The following PITPNC1 variants were observed in gnomAD, a reference collection of about 807,000 sequenced individuals.
PITPNC1 encodes the protein phosphatidylinositol transfer protein cytoplasmic 1.
PITPNC1 carries 18 observed loss-of-function variants against 44.7 expected under a neutral mutation model. The ratio of observed to expected loss-of-function variants is 0.40; its 90% CI spans 0.28 to 0.60. PITPNC1 has a LOEUF of 0.60. Among genes scored for constraint, PITPNC1 ranks in the 20% least tolerant of loss-of-function variants. The probability of loss-of-function intolerance (pLI) is 0.39; values close to 1 mark genes in which losing one functional copy is unlikely to be tolerated. For missense variants in PITPNC1, 290 were observed against 418.4 expected, an observed-to-expected ratio of 0.69 and a Z score of 2.68; for synonymous variants, 141 against 149.6, an observed-to-expected ratio of 0.94 and a Z score of 0.42.
chr17:67,630,116 T>C (rs1419066263), intron 5 of PITPNC1, among the ~76,000 whole-genome samples: 2 of 152,190 alleles, frequency 1.3e-5, no homozygotes, highest in East Asian at 1.9e-4. Flanking sequence ...TCAGATGCCC[T>C]CTTGTGGGAG....
At chr17:67,617,720 C>G (rs2041778092) in intron 5 of PITPNC1, among the ~76,000 whole-genome samples, 1 of 152,098 alleles carries the variant, frequency 6.6e-6, no homozygotes, top group Non-Finnish European at 1.5e-5. Flanking sequence ...CTCAGGGCTG[C>G]AACACTCTAA....
intron 1 of PITPNC1, among the ~76,000 whole-genome samples, chr17:67,530,592 C>G (rs1327976272): frequency 1.3e-5 from 2 of 152,176 alleles, no homozygotes; most frequent in Non-Finnish European, 2.9e-5. Context: ...TACTAGGGGT[C>G]AGGACTTCAC....
intron 4 of PITPNC1, among the ~76,000 whole-genome samples, chr17:67,575,782 T>C (rs923324686): frequency 6.4e-5 from 1 of 15,644 alleles, no homozygotes; most frequent in African/African-American, 1.8e-4. Context: ...TCTTTCTTTC[T>C]TTTCTTTCTT....
chr17:67,385,393 GT>G (rs1193534148), intron 1 of PITPNC1, among the ~76,000 whole-genome samples: 1 of 152,156 alleles, frequency 6.6e-6, no homozygotes, highest in Non-Finnish European at 1.5e-5. Context: ...TCAGTGCTCT[GT>G]AAAATGGAGC....
At chr17:67,685,768 G>A (rs2042803961) in intron 8 of PITPNC1, among the ~76,000 whole-genome samples, 1 of 152,128 alleles carries the variant, frequency 6.6e-6, no homozygotes, top group Non-Finnish European at 1.5e-5. Flanking sequence ...GAGACTAATT[G>A]TTATTTATAT....
At chr17:67,425,197 G>GCGCACGCACACACACA (rs748898605) in intron 1 of PITPNC1, among the ~76,000 whole-genome samples, 1 of 98,430 alleles carries the variant, frequency 1.0e-5, no homozygotes, top group Non-Finnish European at 2.1e-5. Flanking sequence ...GCGCGCGCAC[G>GCGCACGCACACACACA]CACACGCACA....
intron 5 of PITPNC1, among the ~76,000 whole-genome samples, chr17:67,624,583 A>G (rs2041873481): frequency 1.3e-5 from 2 of 151,700 alleles, no homozygotes; most frequent in African/African-American, 2.4e-5. Flanking sequence ...TTGCTCTGTC[A>G]TGCAATCTTG....
chr17:67,610,046 CCTT>C (rs1335540969), intron 5 of PITPNC1, among the ~76,000 whole-genome samples: 4 of 152,184 alleles, frequency 2.6e-5, no homozygotes, highest in African/African-American at 7.2e-5. Flanking sequence ...GCACCCAAGA[CCTT>C]CTGTCGCCCG....
chr17:67,553,065 A>G (rs1017835015), intron 3 of PITPNC1: 2 of 152,182 alleles, frequency 1.3e-5, no homozygotes, highest in African/African-American at 4.8e-5. Context: ...GATAATATGA[A>G]AATATTTAAG....
At chr17:67,603,221 A>G (rs1160232785) in intron 5 of PITPNC1, among the ~76,000 whole-genome samples, 2 of 152,198 alleles carry the variant, frequency 1.3e-5, no homozygotes, top group African/African-American at 4.8e-5. Context: ...AGCTGGAGCA[A>G]GCAGGCTCGC....
chr17:67,458,770 G>A (rs2039291123), intron 1 of PITPNC1, among the ~76,000 whole-genome samples: 1 of 151,804 alleles, frequency 6.6e-6, no homozygotes, highest in Admixed American at 6.6e-5. Context: ...TTTTTTCCGT[G>A]GGAATCTTAC....
chr17:67,391,930 A>G (rs62084082), intron 1 of PITPNC1, among the ~76,000 whole-genome samples: 39,381 of 152,124 alleles, frequency 0.26, 5,414 homozygotes, highest in African/African-American at 0.34. Flanking sequence ...TAAGTATTAA[A>G]CCAAGTGACA....
intron 5 of PITPNC1, among the ~76,000 whole-genome samples, chr17:67,625,462 A>G (rs1489624083): frequency 6.6e-6 from 1 of 152,152 alleles, no homozygotes; most frequent in Non-Finnish European, 1.5e-5. Context: ...TGCACCTGCC[A>G]CCACCGGGGA....
chr17:67,512,256 T>G (rs1229093919), intron 1 of PITPNC1, among the ~76,000 whole-genome samples: 1 of 152,156 alleles, frequency 6.6e-6, no homozygotes, highest in Non-Finnish European at 1.5e-5. Context: ...CCCAGCACTT[T>G]GGGAGGCCCA....
chr17:67,583,873 G>A (rs1008755465), intron 5 of PITPNC1, among the ~76,000 whole-genome samples: 1 of 121,432 alleles, frequency 8.2e-6, no homozygotes, highest in Non-Finnish European at 1.7e-5. Flanking sequence ...TTTTGTGTGT[G>A]TGTGTGTGTG....
rs367727801 is a variant in PITPNC1, at chr17:67,420,399, C to T, written c.48+42197C>T. ...TCCTCCCTCCCCTCCCTCCCTCCCT[C>T]CCTTCCTTCCTTCCTTCCTCTTCTC... On this transcript the variant is annotated intron_variant, in intron 1 of 8. Transcript: ENST00000581322. Among the ~76,000 whole-genome samples, 568 of 144,634 alleles carry T rather than the reference C, an allele frequency of 3.9e-3. 3 individuals carry two copies. Among genetic ancestry groups the T allele is most frequent in the Middle Eastern group, 0.028 (8 of 290 alleles). 94.9% of individuals were successfully genotyped at this position (144,634 alleles called of 152,430 possible).
chr17:67,429,053 C>T (rs1043373531), intron 1 of PITPNC1, among the ~76,000 whole-genome samples: 1 of 151,806 alleles, frequency 6.6e-6, no homozygotes, highest in African/African-American at 2.4e-5. Flanking sequence ...GTTGGTCAGG[C>T]TGGTCTCGAA....
intron 8 of PITPNC1, among the ~76,000 whole-genome samples, chr17:67,690,458 A>AAAG (rs1555584875): frequency 5.3e-5 from 8 of 151,940 alleles, no homozygotes; most frequent in Non-Finnish European, 7.4e-5. Context: ...CAAAAAAAAA[A>AAAG]AAAAAGAAAA....
chr17:67,410,724 G>A (rs1019006291), intron 1 of PITPNC1, among the ~76,000 whole-genome samples: 5 of 152,034 alleles, frequency 3.3e-5, no homozygotes, highest in Non-Finnish European at 5.9e-5. Flanking sequence ...GTGAGTCTGC[G>A]TGTTAATTAA....
Sources: allele counts gnomAD v4.1 joint callset (sites outside exome capture counted in the v4.1 genomes callset), GRCh38; gene constraint gnomAD v4.1.1; transcripts MANE v1.5; gene names NCBI Gene and HGNC (gene_info 2026-07-23, HGNC 2026-07-21).